Variants in VPS13B observed in about 807,000 individuals in gnomAD.
VPS13B encodes vacuolar protein sorting 13 homolog B.
Under a neutral mutation model 426.4 loss-of-function variants are expected in VPS13B, and 285 were observed. The observed-to-expected ratio is 0.67, with a 90% CI of 0.61 to 0.74. VPS13B has a LOEUF of 0.74. VPS13B is among the 30% of genes least tolerant of loss of function. The probability of loss-of-function intolerance (pLI) is 0.00; values close to 1 mark genes in which losing one functional copy is unlikely to be tolerated. For missense variants in VPS13B, 4,537 were observed against 4,782.6 expected (o/e 0.95, Z 1.51); for synonymous variants, 1,676 against 1,676.4 (o/e 1.00, Z 0.01).
intron 19 of VPS13B, among the ~76,000 whole-genome samples, chr8:99,324,388 A>G (rs1474948330): frequency 6.6e-6 from 1 of 152,170 alleles, no homozygotes; most frequent in Non-Finnish European, 1.5e-5. Flanking sequence ...TAATTCCAGC[A>G]TTAGTTATGC....
chr8:99,124,432 A>C (rs1230519650), intron 8 of VPS13B, among the ~76,000 whole-genome samples: 1 of 152,216 alleles, frequency 6.6e-6, no homozygotes, highest in East Asian at 1.9e-4. Flanking sequence ...TACTCAAAAG[A>C]ATAAAAAACT....
chr8:99,023,387 T>G (rs1348698483), intron 2 of VPS13B, among the ~76,000 whole-genome samples: 1 of 152,172 alleles, frequency 6.6e-6, no homozygotes, highest in Non-Finnish European at 1.5e-5. Context: ...ATAATGACCT[T>G]CATTTCCATT....
chr8:99,454,509 A>G (rs75157214), intron 23 of VPS13B, among the ~76,000 whole-genome samples: 5,245 of 152,088 alleles, frequency 0.034, 127 homozygotes, highest in East Asian at 0.09. Context: ...AATTGTCTGG[A>G]TGTACTAGAG....
intron 43 of VPS13B, among the ~76,000 whole-genome samples, chr8:99,790,277 T>A (rs1365839496): frequency 6.6e-6 from 1 of 152,172 alleles, no homozygotes; most frequent in African/African-American, 2.4e-5. Flanking sequence ...TACACCATGA[T>A]TTATTAAATA....
At chr8:99,237,336 A>G (rs1383836512) in intron 17 of VPS13B, among the ~76,000 whole-genome samples, 2 of 152,238 alleles carry the variant, frequency 1.3e-5, no homozygotes, top group African/African-American at 2.4e-5. Flanking sequence ...TTAAAAATGC[A>G]AAAACTACTA....
rs56261645 is a variant in VPS13B, at chr8:99,478,447, G to GTTTTTTTTTTTT, written c.3667-3145_3667-3134dup. Among the ~76,000 whole-genome samples the GTTTTTTTTTTTT allele has an allele frequency of 6.9e-4, 59 of 85,736 alleles. 1 individual carries two copies. The highest frequency in any genetic ancestry group is 1.1e-3 in the African/African-American group (21 of 19,694). 56.2% of individuals were successfully genotyped at this position (85,736 alleles called of 152,430 possible). A position where few individuals can be genotyped will look rare whatever the true frequency, so the allele number is the denominator to read the frequency against. Reference sequence around the variant, plus strand: ...TTTGAGACAGTTGTTTTTTTGTTTTGTTTTTTTTTTTTTTTTTTGTTTTTT... The same window carrying GTTTTTTTTTTTT: ...TTTGAGACAGTTGTTTTTTTGTTTTGTTTTTTTTTTTTTTTTTTTTTTTTTTTTTTGTTTTTT... On this transcript the variant is annotated intron_variant, in intron 24 of 61. Coordinates refer to ENST00000357162, the MANE Select transcript of VPS13B (RefSeq NM_152564.5).
At position 99,507,213 on chromosome 8, in the gene VPS13B, A is replaced by G; in HGVS notation, c.4224+10A>G. 2 of 1,613,540 alleles carry G rather than the reference A, an allele frequency of 1.2e-6. No individual in the cohort carries two copies. Among genetic ancestry groups the G allele is most frequent in the Non-Finnish European group, 1.7e-6 (2 of 1,179,552 alleles). On this transcript the variant is annotated intron_variant, in intron 28 of 61. Transcript: ENST00000357162. ...CAAAGAAAAATCTGTGGTGAGACCC[A>G]TTTAGTTACTATGATTTTTGAAAAT... is the stretch of plus-strand genomic sequence containing the variant.
intron 3 of VPS13B, among the ~76,000 whole-genome samples, chr8:99,089,287 G>T (rs1192289032): frequency 1.3e-5 from 2 of 151,750 alleles, no homozygotes; most frequent in African/African-American, 2.4e-5. Flanking sequence ...TTTTCTGTTT[G>T]TCTCTTTTTC....
chr8:99,309,856 G>T (rs1419899202), intron 19 of VPS13B, among the ~76,000 whole-genome samples: 1 of 151,956 alleles, frequency 6.6e-6, no homozygotes, highest in Admixed American at 6.6e-5. Flanking sequence ...CTTTTATTTT[G>T]TTGAGCAGTG....
At chr8:99,079,311 A>G (rs1049527343) in intron 3 of VPS13B, among the ~76,000 whole-genome samples, 2 of 152,010 alleles carry the variant, frequency 1.3e-5, no homozygotes, top group African/African-American at 4.8e-5. Context: ...ATTATCAATG[A>G]CAGCAGGTTG....
chr8:99,805,251 A>G (rs1025295451), intron 43 of VPS13B, among the ~76,000 whole-genome samples: 1 of 151,834 alleles, frequency 6.6e-6, no homozygotes, highest in African/African-American at 2.4e-5. Context: ...GCAAAAAAAA[A>G]AATACACAAA....
chr8:99,875,317 A>C (rs1207373302), intron 61 of VPS13B, 101 bp from the exon 62 acceptor site: 37 of 1,512,668 alleles, frequency 2.4e-5, no homozygotes, highest in Non-Finnish European at 1.8e-6. Flanking sequence ...TAGATGACCT[A>C]AAAGGCATAA....
At chr8:99,043,943 T>C (rs950996240) in intron 3 of VPS13B, among the ~76,000 whole-genome samples, 5 of 152,144 alleles carry the variant, frequency 3.3e-5, no homozygotes, top group Non-Finnish European at 4.4e-5. Flanking sequence ...TCTCATTTGA[T>C]TTATTGGCAC....
chr8:99,492,325 G>T (rs1302874236), intron 25 of VPS13B, among the ~76,000 whole-genome samples: 1 of 152,178 alleles, frequency 6.6e-6, no homozygotes, highest in East Asian at 1.9e-4. Flanking sequence ...CGGGCGTCAG[G>T]GACCCACTTG....
At chr8:99,312,402 G>T (rs1310988286) in intron 19 of VPS13B, among the ~76,000 whole-genome samples, 1 of 152,154 alleles carries the variant, frequency 6.6e-6, no homozygotes, top group Admixed American at 6.5e-5. Context: ...TGTCTGTAAA[G>T]TGTTTTATTT....
intron 17 of VPS13B, among the ~76,000 whole-genome samples, chr8:99,272,907 T>C (rs78121874): frequency 0.058 from 8,885 of 152,248 alleles, 271 homozygotes; most frequent in South Asian, 0.098. Flanking sequence ...TTCTAAAATC[T>C]GAAACTTTTT....
chr8:99,693,830 T>C (rs1473813285), intron 35 of VPS13B, among the ~76,000 whole-genome samples: 1 of 150,430 alleles, frequency 6.6e-6, no homozygotes, highest in Non-Finnish European at 1.5e-5. Flanking sequence ...CTTAAGCTGA[T>C]AAGCAACTTC....
chr8:99,448,649 C>G (rs1818044209), intron 23 of VPS13B, among the ~76,000 whole-genome samples: 1 of 152,082 alleles, frequency 6.6e-6, no homozygotes, highest in South Asian at 2.1e-4. Context: ...TTCTCTTTTT[C>G]AATCTTTCTT....
At chr8:99,356,645 TCAAA>T (rs776755821) in intron 19 of VPS13B, among the ~76,000 whole-genome samples, 10 of 152,192 alleles carry the variant, frequency 6.6e-5, no homozygotes, top group East Asian at 1.9e-4. Context: ...ACACCCTGTC[TCAAA>T]CAAACAAACA....
Sources: gnomAD v4.1 joint callset for allele counts (sites outside exome capture counted in the v4.1 genomes callset) on GRCh38, gnomAD v4.1.1 for gene constraint, MANE v1.5 for transcripts, NCBI Gene and HGNC (gene_info 2026-07-23, HGNC 2026-07-21) for gene names.